NUP210: variants seen among roughly 807,000 people sequenced by gnomAD.
The protein encoded by NUP210 is nuclear pore membrane glycoprotein 210.
NUP210 carries 151 observed loss-of-function variants against 196.0 expected under a neutral mutation model. The ratio of observed to expected loss-of-function variants is 0.77; its 90% confidence interval spans 0.67 to 0.88. NUP210 has a LOEUF of 0.88. NUP210 is among the 40% of genes least tolerant of loss of function. The probability of loss-of-function intolerance (pLI) is 0.00; values close to 1 mark genes in which losing one functional copy is unlikely to be tolerated. For synonymous variants in NUP210, 1,070 were observed against 1,052.7 expected (o/e 1.02, Z -0.32); for missense variants, 2,314 against 2,493.7 (o/e 0.93, Z 1.53).
intron 1 of NUP210, among the ~76,000 whole-genome samples, chr3:13,402,971 A>G (rs1699887362): frequency 6.6e-6 from 1 of 152,198 alleles, no homozygotes; most frequent in Admixed American, 6.5e-5. Context: ...AAGTTTGGAC[A>G]GATGGATAAC....
intron 4 of NUP210, among the ~76,000 whole-genome samples, chr3:13,389,974 A>C (rs1209407726): frequency 6.6e-6 from 1 of 152,212 alleles, no homozygotes; most frequent in Non-Finnish European, 1.5e-5. Context: ...GTGGTGTCCA[A>C]AGTCAAAGCC....
Position 13,335,632 on chromosome 3 carries a change from G to T in NUP210, c.3685-20C>A, listed in dbSNP as rs193151189. ...CGACGCCTGGGAAGACATCAAACACGTTTTCAGGGGTAAGGCCCAGGCCCC... is the reference window on the plus strand; with the variant it reads ...CGACGCCTGGGAAGACATCAAACACTTTTTCAGGGGTAAGGCCCAGGCCCC... On this transcript the variant is annotated intron_variant, in intron 27 of 39. Transcript: ENST00000254508. The T allele has an allele frequency of 1.9e-6, 3 of 1,612,330 alleles. No homozygotes were observed. The highest frequency in any genetic ancestry group is 4.5e-5 in the East Asian group (2 of 44,834).
rs181174556 is a variant in NUP210 at position 13,328,707 on chromosome 3, C to T, written c.4286+64G>A. On this transcript the variant is annotated intron_variant, in intron 31 of 39. Transcript: ENST00000254508. ...AGCAGCAGACTTTCTGTGTTATCCC[C>T]AGTTGTCTCTACCAGGTACCAGACA... 223 of 1,437,278 alleles carry T rather than the reference C, an allele frequency of 1.6e-4. No homozygotes were observed. The East Asian group carries it at 4.7e-3, about 30-fold the overall frequency. The allele number at this position is 1,437,278 out of a possible 1,614,324, so 89.0% of individuals were successfully genotyped here. A position where few individuals can be genotyped will look rare whatever the true frequency, so the allele number is the denominator to read the frequency against.
At chr3:13,372,378 G>A (rs866886508) in intron 12 of NUP210, among the ~76,000 whole-genome samples, 1 of 152,240 alleles carries the variant, frequency 6.6e-6, no homozygotes, top group African/African-American at 2.4e-5. Flanking sequence ...TGCAGGGGCA[G>A]TGGAAAGAGA....
chr3:13,318,791 G>A (rs937787992), intron 39 of NUP210, among the ~76,000 whole-genome samples: 36 of 152,108 alleles, frequency 2.4e-4, no homozygotes, highest in Non-Finnish European at 4.0e-4. Flanking sequence ...TCAGCAATTG[G>A]GCATCCAGTC....
At chr3:13,342,155 C>G in intron 21 of NUP210, 32 bp from the exon 22 acceptor site, 1 of 1,612,442 alleles carries the variant, frequency 6.2e-7, no homozygotes, top group Middle Eastern at 1.7e-4. Context: ...TCAGGGGCAG[C>G]CTCCAAAAGA....
intron 1 of NUP210, among the ~76,000 whole-genome samples, chr3:13,418,711 C>T (rs1367966774): frequency 6.6e-6 from 1 of 151,930 alleles, no homozygotes; most frequent in South Asian, 2.1e-4. Context: ...TCGCTTGAAC[C>T]GGGGAGGCGG....
intron 14 of NUP210, among the ~76,000 whole-genome samples, chr3:13,361,992 C>T (rs1179258214): frequency 6.6e-6 from 1 of 152,192 alleles, no homozygotes; most frequent in African/African-American, 2.4e-5. Context: ...GCTTCCTCCC[C>T]AACCCAGCCC....
intron 20 of NUP210, among the ~76,000 whole-genome samples, chr3:13,344,555 T>C (rs1304842895): frequency 1.3e-5 from 2 of 152,086 alleles, no homozygotes; most frequent in Non-Finnish European, 2.9e-5. Flanking sequence ...TAAAAATAAA[T>C]AAAATAAAAA....
intron 26 of NUP210, among the ~76,000 whole-genome samples, chr3:13,337,608 G>A (rs905107883): frequency 6.6e-6 from 1 of 152,204 alleles, no homozygotes; most frequent in Admixed American, 6.5e-5. Context: ...TTAGGCACCT[G>A]GTACTATTCC....
At chr3:13,413,598 G>A (rs565707818) in intron 1 of NUP210, among the ~76,000 whole-genome samples, 7 of 152,374 alleles carry the variant, frequency 4.6e-5, no homozygotes, top group Non-Finnish European at 7.3e-5. Flanking sequence ...GCTGCTACCT[G>A]CAAAGACTCT....
At chr3:13,360,943 T>C (rs1698350041) in intron 14 of NUP210, among the ~76,000 whole-genome samples, 1 of 152,264 alleles carries the variant, frequency 6.6e-6, no homozygotes, top group African/African-American at 2.4e-5. Context: ...GTACACATGG[T>C]GTTTCCCAGT....
chr3:13,383,491 T>C (rs1228381878), intron 6 of NUP210, among the ~76,000 whole-genome samples: 2 of 149,246 alleles, frequency 1.3e-5, no homozygotes, highest in Non-Finnish European at 3.0e-5. Context: ...TGGGCTGTGA[T>C]ACCTGAGCTA....
chr3:13,342,087 C>A lies in NUP210; in HGVS notation c.3001G>T (p.Val1001Leu). ...AAGGGCTTCTTGTGCAAGTCCAGCA[C>A]GCGGACGTATGCCTTCACTGTCTTC... ...IGKTVKAYVR[V>L]LDLHKKPFLA... The change falls in exon 22 of 40, where the codon GTG becomes TTG. Residue 1001 changes from valine (V) to leucine (L), a missense_variant. Transcript: ENST00000254508. The A allele has an allele frequency of 6.2e-7, 1 of 1,614,198 alleles. No individual in the cohort carries two copies. The highest frequency in any genetic ancestry group is 1.7e-5 in the Admixed American group (1 of 60,014).
chr3:13,381,346 T>G (rs1214016942), intron 6 of NUP210, among the ~76,000 whole-genome samples: 2 of 152,174 alleles, frequency 1.3e-5, no homozygotes, highest in Non-Finnish European at 2.9e-5. Flanking sequence ...CCTTGCAAAT[T>G]CTAAGACTGA....
intron 1 of NUP210, among the ~76,000 whole-genome samples, chr3:13,405,596 T>A (rs181954372): frequency 6.6e-5 from 10 of 152,196 alleles, no homozygotes; most frequent in Admixed American, 2.0e-4. Context: ...CTATTGGTTC[T>A]GTTTCTTCAG....
chr3:13,336,996 C>T lies in NUP210; in HGVS notation c.3553-78G>A. The T allele has an allele frequency of 1.0e-5, 16 of 1,576,694 alleles. No homozygotes were observed. The South Asian group carries it at 1.7e-4, about 17-fold the overall frequency. Reference sequence around the variant, plus strand: ...CCCCCAGAAGCTTTGCTGCCTCCTTCAAGCAGTGGGAGATGAACCCAATTC... The same window carrying T: ...CCCCCAGAAGCTTTGCTGCCTCCTTTAAGCAGTGGGAGATGAACCCAATTC... On this transcript the variant is annotated intron_variant, in intron 26 of 39. Transcript: ENST00000254508.
chr3:13,344,368 G>C (rs1386982817), intron 20 of NUP210, among the ~76,000 whole-genome samples: 1 of 152,178 alleles, frequency 6.6e-6, no homozygotes, highest in Admixed American at 6.5e-5. Flanking sequence ...GGCAAGTAGG[G>C]ACAGGCCATG....
intron 38 of NUP210, 35 bp downstream of exon 38, chr3:13,319,195 G>A (rs1210365641): frequency 1.9e-6 from 3 of 1,611,212 alleles, no homozygotes; most frequent in East Asian, 4.5e-5. Flanking sequence ...GTCGGGGCAG[G>A]GGAACAGACC....
Sources: allele counts gnomAD v4.1 joint callset (sites outside exome capture counted in the v4.1 genomes callset), GRCh38; gene constraint gnomAD v4.1.1; transcripts MANE v1.5; gene names NCBI Gene and HGNC (gene_info 2026-07-23, HGNC 2026-07-21).